The following CCNP variants were observed in gnomAD, a reference collection of about 807,000 sequenced individuals.
CCNP encodes cyclin-P.
In CCNP, 18 loss-of-function variants were observed where a neutral mutation model predicts 19.6. That is an observed-to-expected ratio of 0.92 (90% CI 0.64 to 1.36). CCNP has a LOEUF of 1.36. Among genes scored for constraint, CCNP ranks in the 40% most tolerant of loss-of-function variants. The pLI, the probability that CCNP is intolerant of heterozygous loss-of-function variation, is 0.00. For missense variants in CCNP, 440 were observed against 424.4 expected (o/e 1.04, Z -0.32); for synonymous variants, 228 against 194.9 (o/e 1.17, Z -1.41).
Position 40,224,767 on chromosome 19 carries a change from G to T in CCNP, c.312C>A (p.Thr104=). 1 of 1,560,750 alleles carries T rather than the reference G, an allele frequency of 6.4e-7. No individual in the cohort carries two copies. Among genetic ancestry groups the T allele is most frequent in the Non-Finnish European group, 8.7e-7 (1 of 1,152,420 alleles). The change falls in exon 2 of 5, where the codon ACC becomes ACA. Residue 104 remains threonine, a synonymous_variant. Transcript: ENST00000430325. Reference sequence around the variant, plus strand: ...CTACCACCAGGGCGCGCATCTCCGGGGTCACAGCGCGGGGCAGGGCTCTCA... The same window carrying T: ...CTACCACCAGGGCGCGCATCTCCGGTGTCACAGCGCGGGGCAGGGCTCTCA... ...LPLRALPRAV[T]PEMRALVVDW...
chr19:40,223,185 C>T lies in CCNP; in HGVS notation c.791G>A (p.Gly264Glu). 6.4e-7 allele frequency: 1 copy of T among 1,551,250 alleles called. No individual in the cohort carries two copies. The highest frequency in any genetic ancestry group is 8.7e-7 in the Non-Finnish European group (1 of 1,146,902). ...TTCTGGCTGGAGCCTGGAGCCCGCCCCGTCGAGCAAGCGGTGCGCCAGGCT... is the reference window on the plus strand; with the variant it reads ...TTCTGGCTGGAGCCTGGAGCCCGCCTCGTCGAGCAAGCGGTGCGCCAGGCT... Reference protein sequence around the residue: ...ALSLAHRLLDGAGSRLQPELY... With the variant: ...ALSLAHRLLDEAGSRLQPELY... The change falls in exon 5 of 5, where the codon GGG becomes GAG. Residue 264 changes from glycine to glutamate, a missense_variant. Gly to Glu is a moderately conservative substitution (Grantham distance 98). Transcript: ENST00000430325.
Position 40,224,528 on chromosome 19 carries a change from A to C in CCNP, c.473T>G (p.Leu158Arg). 6.2e-7 allele frequency: 1 copy of C among 1,614,216 alleles called. No homozygotes were observed. ...HRLQLLGVAC[L>R]FVACKMEECV... ...CTCTTCCATTTTGCACGCCACAAAC[A>C]GGCAAGCCACGCCCAGCAGCTGCAG... The change falls in exon 3 of 5, where the codon CTG becomes CGG. Residue 158 changes from leucine to arginine, a missense_variant. By Grantham distance (102) the Leu-to-Arg change is moderately radical. Coordinates refer to ENST00000430325, the MANE Select transcript of CCNP (RefSeq NM_024877.4).
rs1415903325 is a variant in CCNP at position 40,226,598 on chromosome 19, C to T, written c.44G>A (p.Gly15Glu). 1 of 1,578,288 alleles carries T rather than the reference C, an allele frequency of 6.3e-7. No homozygotes were observed. The highest frequency in any genetic ancestry group is 1.9e-5 in the Admixed American group (1 of 53,628). ...GGGGGCCCAGCGCCTAACGATAGGC[C>T]CGAGCCGGGAGCCGGACCCCTGGTC... ...GRDQGSGSRL[G>E]PIVRRWAPRP... is the part of the protein sequence containing the mutation. The change falls in exon 1 of 5, where the codon GGG becomes GAG. Residue 15 changes from glycine to glutamate, a missense_variant. Coordinates refer to ENST00000430325, the MANE Select transcript of CCNP (RefSeq NM_024877.4).
At chr19:40,225,105 G>A (rs1476684258) in intron 1 of CCNP, among the ~76,000 whole-genome samples, 2 of 150,402 alleles carry the variant, frequency 1.3e-5, no homozygotes, top group Non-Finnish European at 2.9e-5. Flanking sequence ...TGTTGCCCAG[G>A]CTGGAGTGCA....
chr19:40,222,984 C>T lies in CCNP; in HGVS notation c.*68G>A. The stretch of plus-strand genomic sequence containing the variant: ...AAGGTTAAGAGACCCCAGATCTGGA[C>T]TAATGGGGTCCTCCCACCCCATTCT... On this transcript the variant is annotated 3_prime_UTR_variant, in exon 5 of 5. Coordinates refer to ENST00000430325, the MANE Select transcript of CCNP (RefSeq NM_024877.4). The T allele has an allele frequency of 1.1e-6, 1 of 895,138 alleles. No homozygotes were observed. 55.4% of individuals were successfully genotyped at this position (895,138 alleles called of 1,614,324 possible).
chr19:40,224,411 T>C, intron 3 of CCNP, 77 bp downstream of exon 3: 4 of 1,523,254 alleles, frequency 2.6e-6, no homozygotes, highest in Non-Finnish European at 3.6e-6. Context: ...AGCACGGTGC[T>C]TGGCACACAG....
At chr19:40,225,015 C>T (rs898255604) in intron 1 of CCNP, 8 of 561,670 alleles carry the variant, frequency 1.4e-5, no homozygotes, top group Non-Finnish European at 2.5e-5. Flanking sequence ...ACCCACCTCT[C>T]CGCCACGTGG....
intron 1 of CCNP, among the ~76,000 whole-genome samples, chr19:40,225,221 G>A (rs1335890159): frequency 6.6e-6 from 1 of 151,946 alleles, no homozygotes; most frequent in Non-Finnish European, 1.5e-5. Flanking sequence ...CACCATGCCC[G>A]GCTAATTTTT....
chr19:40,224,859 C>T (rs1973518303), intron 1 of CCNP, 48 bp from the exon 2 acceptor site: 1 of 1,484,768 alleles, frequency 6.7e-7, no homozygotes, highest in Admixed American at 2.0e-5. Context: ...GTGCCTCTGC[C>T]TTTCTCCTGA....
intron 1 of CCNP, among the ~76,000 whole-genome samples, chr19:40,225,820 G>T (rs1236237298): frequency 6.6e-6 from 1 of 152,198 alleles, no homozygotes; most frequent in Non-Finnish European, 1.5e-5. Context: ...CCAGTCCCAC[G>T]AGGGCAGGGA....
intron 4 of CCNP, 24 bp downstream of exon 4, chr19:40,223,364 C>T: frequency 6.7e-7 from 1 of 1,494,294 alleles, no homozygotes. Flanking sequence ...CACGCCCCCA[C>T]CCCGCGTATT....
chr19:40,224,456 A>G lies in CCNP; in HGVS notation c.513+32T>C, dbSNP rs1319985032. The G allele has an allele frequency of 1.9e-6, 3 of 1,609,558 alleles. No individual in the cohort carries two copies. In the African/African-American group the frequency reaches 4.0e-5, roughly 21 times the overall value. ...AATCAGTTACTCCCCAAAGGACTCCATCCACCCTCCCAAACCCCACCCCGG... is the reference window on the plus strand; with the variant it reads ...AATCAGTTACTCCCCAAAGGACTCCGTCCACCCTCCCAAACCCCACCCCGG... On this transcript the variant is annotated intron_variant, in intron 3 of 4. Coordinates refer to ENST00000430325, the MANE Select transcript of CCNP (RefSeq NM_024877.4).
rs766006695 is a variant in CCNP at position 40,223,522 on chromosome 19, C to G, written c.538G>C (p.Ala180Pro). 2 of 1,604,050 alleles carry G rather than the reference C, an allele frequency of 1.2e-6. No individual in the cohort carries two copies. The stretch of plus-strand genomic sequence containing the variant: ...AGCTCCGCCCGTGAGAAGGAGTCCG[C>G]GCTCAGGAGGCAGAGGAAGGCGGGC... ...PEPAFLCLLSADSFSRAELLR... is the reference protein window; with the variant it reads ...PEPAFLCLLSPDSFSRAELLR... Residue 180 changes from alanine to proline, a missense_variant, in exon 4 of 5, where the codon GCG (alanine) becomes CCG (proline). Coordinates refer to ENST00000430325, the MANE Select transcript of CCNP (RefSeq NM_024877.4).
rs1411915885 is a variant in CCNP, at chr19:40,223,037, G to C, written c.*15C>G. On this transcript the variant is annotated 3_prime_UTR_variant, in exon 5 of 5. Coordinates refer to ENST00000430325, the MANE Select transcript of CCNP (RefSeq NM_024877.4). ...CCCACACCCAGAAAAATCAAGTCTAGGTGCCACCTCCTCCTCAATAATTGT... is the reference window on the plus strand; with the variant it reads ...CCCACACCCAGAAAAATCAAGTCTACGTGCCACCTCCTCCTCAATAATTGT... 7.6e-6 allele frequency: 11 copies of C among 1,452,676 alleles called. No homozygotes were observed. Among genetic ancestry groups the C allele is most frequent in the Middle Eastern group, 3.5e-4 (2 of 5,794 alleles). 90.0% of individuals were successfully genotyped at this position (1,452,676 alleles called of 1,614,324 possible).
At chr19:40,223,334 A>T in intron 4 of CCNP, 31 bp from the exon 5 acceptor site, 1 of 1,497,818 alleles carries the variant, frequency 6.7e-7, no homozygotes, top group Non-Finnish European at 8.9e-7. Context: ...CTGTCAGGCC[A>T]CGCCCCACTT....
At position 40,223,380 on chromosome 19, in the gene CCNP, G is replaced by A; in HGVS notation, c.672+8C>T. 6.6e-7 allele frequency: 1 copy of A among 1,520,014 alleles called. No individual in the cohort carries two copies. Among genetic ancestry groups the A allele is most frequent in the Non-Finnish European group, 8.8e-7 (1 of 1,133,624 alleles). The allele number at this position is 1,520,014 out of a possible 1,614,324, so 94.2% of individuals were successfully genotyped here. ...ACGCCCCCACCCCGCGTATTCACAA[G>A]GGCTCACCTGGGGGCTGCTCCCTGC... On this transcript the variant is annotated splice_region_variant and intron_variant, in intron 4 of 4. Transcript: ENST00000430325.
Position 40,226,603 on chromosome 19 carries a change from C to A in CCNP, c.39G>T (p.Arg13=). Residue 13 remains arginine (R), a synonymous_variant, in exon 1 of 5, where the codon CGG becomes CGT. Coordinates refer to ENST00000430325, the MANE Select transcript of CCNP (RefSeq NM_024877.4). ...CCCAGCGCCTAACGATAGGCCCGAGCCGGGAGCCGGACCCCTGGTCCCTGC... is the reference window on the plus strand; with the variant it reads ...CCCAGCGCCTAACGATAGGCCCGAGACGGGAGCCGGACCCCTGGTCCCTGC... ...VRGRDQGSGS[R]LGPIVRRWAP... 2 of 1,577,736 alleles carry A rather than the reference C, an allele frequency of 1.3e-6. No individual in the cohort carries two copies. The highest frequency in any genetic ancestry group is 1.7e-6 in the Non-Finnish European group (2 of 1,163,392).
intron 1 of CCNP, among the ~76,000 whole-genome samples, chr19:40,225,448 C>T (rs927097777): frequency 2.0e-5 from 3 of 152,170 alleles, no homozygotes; most frequent in African/African-American, 7.2e-5. Context: ...GACCAAGGAA[C>T]TCCCCAGCTT....
chr19:40,224,988 G>T, intron 1 of CCNP, 177 bp from the exon 2 acceptor site: 1 of 605,124 alleles, frequency 1.7e-6, no homozygotes, highest in South Asian at 2.0e-5. Context: ...TCTGGGCTTC[G>T]TTCCAGATGC....
Sources: gnomAD v4.1 joint callset for allele counts (sites outside exome capture counted in the v4.1 genomes callset) on GRCh38, gnomAD v4.1.1 for gene constraint, MANE v1.5 for transcripts, NCBI Gene and HGNC (gene_info 2026-07-23, HGNC 2026-07-21) for gene names.